Variants in KHDRBS2 observed in about 807,000 individuals in gnomAD.
KHDRBS2 encodes KH RNA binding domain containing, signal transduction associated 2, also known as KH domain-containing, RNA-binding, signal transduction-associated protein 2.
Under a neutral mutation model 44.3 loss-of-function variants are expected in KHDRBS2, and 26 were observed. That is an observed-to-expected ratio of 0.59 (90% confidence interval 0.43 to 0.81). The LOEUF (loss-of-function observed/expected upper bound fraction) is 0.81, where lower values mean the gene tolerates loss of function less well. Ranked by LOEUF, KHDRBS2 falls within the 40% of genes least tolerant of loss-of-function variation. KHDRBS2 has a pLI of 0.00. For synonymous variants in KHDRBS2, 194 were observed against 151.1 expected (o/e 1.28, Z -2.08); for missense variants, 476 against 433.1 (o/e 1.10, Z -0.88).
chr6:61,909,923 T>C (rs72882427), intron 4 of KHDRBS2, among the ~76,000 whole-genome samples: 3 of 152,190 alleles, frequency 2.0e-5, no homozygotes, highest in African/African-American at 4.8e-5. Flanking sequence ...TAAAACTGTG[T>C]TTATAGCCAC....
At chr6:61,761,742 T>G (rs1227323616) in intron 6 of KHDRBS2, among the ~76,000 whole-genome samples, 5 of 152,192 alleles carry the variant, frequency 3.3e-5, no homozygotes, top group Non-Finnish European at 7.4e-5. Flanking sequence ...TTTACCACTA[T>G]TCCATTTTGT....
the KHDRBS2 span, among the ~76,000 whole-genome samples, chr6:61,555,462 G>A: frequency 6.6e-6 from 1 of 151,942 alleles, no homozygotes; most frequent in East Asian, 1.9e-4. Context: ...TCTCTTAATT[G>A]TTGATGATCT....
At chr6:62,087,165 G>A (rs1175797031) in intron 2 of KHDRBS2, among the ~76,000 whole-genome samples, 1 of 152,006 alleles carries the variant, frequency 6.6e-6, no homozygotes, top group Non-Finnish European at 1.5e-5. Context: ...GTCTCATGCA[G>A]TTATTATAAC....
At chr6:62,110,582 T>C (rs1292121277) in intron 2 of KHDRBS2, among the ~76,000 whole-genome samples, 42 of 152,166 alleles carry the variant, frequency 2.8e-4, no homozygotes, top group Non-Finnish European at 5.1e-4. Context: ...GTGAAAGAAG[T>C]CAGACTCCTC....
intron 6 of KHDRBS2, among the ~76,000 whole-genome samples, chr6:61,887,264 T>C (rs1312106719): frequency 2.6e-5 from 4 of 152,150 alleles, no homozygotes; most frequent in African/African-American, 9.7e-5. Context: ...TATTCAAAAG[T>C]GTTAGTTTTA....
the KHDRBS2 span, among the ~76,000 whole-genome samples, chr6:61,552,266 T>C: frequency 1.3e-5 from 2 of 149,812 alleles, no homozygotes; most frequent in African/African-American, 4.9e-5. Context: ...GTTATTCTTT[T>C]TATGGTTATT....
chr6:61,576,656 TTGAGATGTAGC>T, the KHDRBS2 span, among the ~76,000 whole-genome samples: 1 of 152,188 alleles, frequency 6.6e-6, no homozygotes, highest in Non-Finnish European at 1.5e-5. Context: ...AATAGCTTTA[TTGAGATGTAGC>T]TGACACAAAA....
intron 6 of KHDRBS2, among the ~76,000 whole-genome samples, chr6:61,846,368 C>T (rs1031362593): frequency 7.9e-5 from 12 of 152,136 alleles, no homozygotes; most frequent in African/African-American, 2.4e-4. Context: ...ACAGTTGCTA[C>T]CTTTACCCCA....
At chr6:61,803,964 C>G (rs1243037312) in intron 6 of KHDRBS2, among the ~76,000 whole-genome samples, 1 of 152,020 alleles carries the variant, frequency 6.6e-6, no homozygotes, top group African/African-American at 2.4e-5. Context: ...AGAGCCAGAC[C>G]ATATCATTTG....
At chr6:61,779,251 C>T (rs1168331149) in intron 6 of KHDRBS2, among the ~76,000 whole-genome samples, 1 of 151,996 alleles carries the variant, frequency 6.6e-6, no homozygotes, top group Non-Finnish European at 1.5e-5. Context: ...GATCCACTTC[C>T]TAACATCTGA....
rs556762728 is a variant in KHDRBS2, at chr6:61,827,397, GCTGGAC to G, written c.810+67232_810+67237del. On this transcript the variant is annotated intron_variant, in intron 6 of 8. Transcript: ENST00000281156. The stretch of plus-strand genomic sequence containing the variant: ...CAGAACTTCATTTATTTTCTTATCC[GCTGGAC>G]CTCCAGGTAAGCTGACACATGATGC... Among the ~76,000 whole-genome samples, 4 of 152,222 alleles carry G rather than the reference GCTGGAC, an allele frequency of 2.6e-5. No homozygotes were observed. In the East Asian group the frequency reaches 5.8e-4, roughly 22 times the overall value.
chr6:61,946,882 C>T (rs1313274352), intron 4 of KHDRBS2, among the ~76,000 whole-genome samples: 2 of 152,184 alleles, frequency 1.3e-5, no homozygotes, highest in Non-Finnish European at 2.9e-5. Flanking sequence ...AACTCAGATA[C>T]TCCATCTAAG....
At chr6:61,551,012 GAT>G in the KHDRBS2 span, among the ~76,000 whole-genome samples, 1 of 152,088 alleles carries the variant, frequency 6.6e-6, no homozygotes, top group South Asian at 2.1e-4. Context: ...GGCCTCGAGT[GAT>G]ATGCCTATTG....
At chr6:61,993,658 TATATATATATATATATTTTTTTTTTTTG>T (rs1452369048) in intron 3 of KHDRBS2, among the ~76,000 whole-genome samples, 7 of 121,286 alleles carry the variant, frequency 5.8e-5, no homozygotes, top group Non-Finnish European at 8.8e-5. Flanking sequence ...ATCATATATA[TATATATATATATATATTTTTTTTTTTTG>T]ATGTGAGCTT....
intron 3 of KHDRBS2, among the ~76,000 whole-genome samples, chr6:61,984,869 T>TA (rs773475544): frequency 2.8e-4 from 43 of 152,288 alleles, no homozygotes; most frequent in Non-Finnish European, 4.4e-4. Context: ...CATTTTAAGA[T>TA]AAAAAAACTA....
the KHDRBS2 span, among the ~76,000 whole-genome samples, chr6:61,674,374 G>T: frequency 6.6e-6 from 1 of 151,744 alleles, no homozygotes; most frequent in South Asian, 2.1e-4. Context: ...AAACTCCACA[G>T]TATTTTGGAA....
At chr6:61,735,860 A>G (rs1775242295) in intron 6 of KHDRBS2, among the ~76,000 whole-genome samples, 1 of 152,136 alleles carries the variant, frequency 6.6e-6, no homozygotes, top group Non-Finnish European at 1.5e-5. Context: ...TATTTTTACT[A>G]TTCCATGTTA....
At chr6:61,675,658 G>T (rs1765890722), downstream of KHDRBS2, among the ~76,000 whole-genome samples, 1 of 151,736 alleles carries the variant, frequency 6.6e-6, no homozygotes, top group Non-Finnish European at 1.5e-5. Context: ...GCATCAAATT[G>T]ATTCTGATGT....
chr6:62,041,249 T>C (rs1290165890), intron 3 of KHDRBS2, among the ~76,000 whole-genome samples: 6 of 151,986 alleles, frequency 3.9e-5, no homozygotes. Flanking sequence ...GAGAATCACT[T>C]GAACCCAGGA....
Sources: allele counts gnomAD v4.1 joint callset (sites outside exome capture counted in the v4.1 genomes callset), GRCh38; gene constraint gnomAD v4.1.1; transcripts MANE v1.5; gene names NCBI Gene and HGNC (gene_info 2026-07-23, HGNC 2026-07-21).